RUNDC3B: variants seen among roughly 807,000 people sequenced by gnomAD.
The protein encoded by RUNDC3B is RUN domain-containing protein 3B.
Under a neutral mutation model 58.4 loss-of-function variants are expected in RUNDC3B, and 33 were observed. That is an observed-to-expected ratio of 0.56 (90% CI 0.43 to 0.75). The LOEUF (loss-of-function observed/expected upper bound fraction) is 0.75, where lower values mean the gene tolerates loss of function less well. RUNDC3B is among the 30% of genes least tolerant of loss of function. The probability of loss-of-function intolerance (pLI) is 0.00; values close to 1 mark genes in which losing one functional copy is unlikely to be tolerated. For missense variants in RUNDC3B, 501 were observed against 535.7 expected (o/e 0.94, Z 0.64); for synonymous variants, 193 against 195.2 (o/e 0.99, Z 0.10).
intron 2 of RUNDC3B, among the ~76,000 whole-genome samples, chr7:87,690,063 C>T (rs1292421843): frequency 2.0e-5 from 3 of 151,932 alleles, no homozygotes; most frequent in East Asian, 3.9e-4. Flanking sequence ...CCGCTGAGCT[C>T]AAATGATCCT....
chr7:87,781,205 A>G (rs932220407), intron 8 of RUNDC3B, among the ~76,000 whole-genome samples: 1 of 151,900 alleles, frequency 6.6e-6, no homozygotes. Flanking sequence ...TCTTTCACCA[A>G]ATTGTTTAGA....
intron 3 of RUNDC3B, among the ~76,000 whole-genome samples, chr7:87,706,715 T>G (rs893639785): frequency 2.0e-5 from 3 of 152,138 alleles, no homozygotes; most frequent in Non-Finnish European, 4.4e-5. Flanking sequence ...GTGGAGATTT[T>G]TATTTCCTTG....
At chr7:87,727,213 TC>T (rs1477581977) in intron 4 of RUNDC3B, among the ~76,000 whole-genome samples, 26 of 152,286 alleles carry the variant, frequency 1.7e-4, no homozygotes, top group African/African-American at 5.5e-4. Context: ...AGTATGATAT[TC>T]GCTGTGGGTT....
chr7:87,650,758 T>C (rs1237906676), intron 1 of RUNDC3B, 64 bp from the exon 2 acceptor site: 1 of 996,126 alleles, frequency 1.0e-6, no homozygotes, highest in African/African-American at 1.6e-5. Context: ...CTTCCTCCCA[T>C]TTTTTTCATA....
At chr7:87,631,687 G>A (rs1463498545) in intron 1 of RUNDC3B, among the ~76,000 whole-genome samples, 2 of 152,140 alleles carry the variant, frequency 1.3e-5, no homozygotes, top group Admixed American at 6.5e-5. Context: ...GCCACCTTGC[G>A]CCCGGCCTCT....
At chr7:87,746,941 G>C (rs573965624) in intron 6 of RUNDC3B, among the ~76,000 whole-genome samples, 1 of 152,126 alleles carries the variant, frequency 6.6e-6, no homozygotes, top group Admixed American at 6.5e-5. Context: ...CATGATTAGC[G>C]TAATGACTAA....
At chr7:87,637,199 C>G (rs149086322) in intron 1 of RUNDC3B, among the ~76,000 whole-genome samples, 8 of 152,162 alleles carry the variant, frequency 5.3e-5, no homozygotes, top group Non-Finnish European at 1.2e-4. Context: ...CATACTTTCT[C>G]CACTACACTC....
At chr7:87,730,524 C>T (rs1375040783) in intron 4 of RUNDC3B, among the ~76,000 whole-genome samples, 2 of 151,274 alleles carry the variant, frequency 1.3e-5, no homozygotes, top group East Asian at 2.0e-4. Context: ...TTACAGTGTG[C>T]GTGCCAGCTC....
intron 1 of RUNDC3B, among the ~76,000 whole-genome samples, chr7:87,649,171 C>T (rs562365222): frequency 1.3e-5 from 2 of 152,240 alleles, no homozygotes; most frequent in South Asian, 4.1e-4. Context: ...TTTGAGGTGA[C>T]AGGACTGTTT....
chr7:87,770,279 T>C (rs930730351), intron 6 of RUNDC3B, among the ~76,000 whole-genome samples: 3 of 152,134 alleles, frequency 2.0e-5, no homozygotes, highest in African/African-American at 7.2e-5. Context: ...TCTGTTTCTC[T>C]TCTCTGGAAA....
At chr7:87,819,465 T>C (rs1837281968) in intron 10 of RUNDC3B, among the ~76,000 whole-genome samples, 1 of 152,044 alleles carries the variant, frequency 6.6e-6, no homozygotes, top group African/African-American at 2.4e-5. Context: ...ACTATCAACA[T>C]TAGACAGATC....
chr7:87,715,273 A>T (rs867631764), intron 4 of RUNDC3B, among the ~76,000 whole-genome samples: 53 of 130,948 alleles, frequency 4.0e-4, no homozygotes, highest in African/African-American at 1.5e-3. Context: ...TTAATTTATA[A>T]TAATTATATA....
intron 1 of RUNDC3B, among the ~76,000 whole-genome samples, chr7:87,635,896 G>A (rs544139245): frequency 2.1e-4 from 32 of 152,226 alleles, no homozygotes; most frequent in African/African-American, 7.7e-4. Flanking sequence ...ATGTTTGTGA[G>A]GTTCATCCAT....
intron 10 of RUNDC3B, 69 bp downstream of exon 10, chr7:87,816,331 T>C (rs2130950824): frequency 2.4e-6 from 3 of 1,229,196 alleles, no homozygotes; most frequent in Middle Eastern, 2.0e-4. Context: ...TTGCAGATGA[T>C]TGCCAGAGAA....
intron 4 of RUNDC3B, among the ~76,000 whole-genome samples, chr7:87,716,467 A>G (rs994413700): frequency 2.0e-5 from 3 of 152,204 alleles, no homozygotes; most frequent in African/African-American, 7.2e-5. Context: ...AAGCTCTTAA[A>G]TGTCTCCATT....
Position 87,734,874 on chromosome 7 carries a change from A to C in RUNDC3B, c.459-4917A>C, listed in dbSNP as rs117667854. On this transcript the variant is annotated intron_variant, in intron 4 of 10. Transcript: ENST00000394654. ...TCACCTTTAAGTTATACAACATTCC[A>C]TGGCTTTTCCTTAATCGCTCTGTCT... Among the ~76,000 whole-genome samples the C allele has an allele frequency of 2.9e-3, 434 of 152,274 alleles. 6 individuals are homozygous for C. The East Asian group carries it at 0.049, about 17-fold the overall frequency.
Position 87,816,127 on chromosome 7 carries a change from T to A in RUNDC3B, c.1104-14T>A. ...GAAAAGAAATTCAAGTAGTATTTCATCCTTGCTTTACAGGAAAAGTTATCA... is the reference window on the plus strand; with the variant it reads ...GAAAAGAAATTCAAGTAGTATTTCAACCTTGCTTTACAGGAAAAGTTATCA... On this transcript the variant is annotated splice_polypyrimidine_tract_variant and intron_variant, in intron 9 of 10. Transcript: ENST00000394654. 6.3e-7 allele frequency: 1 copy of A among 1,585,530 alleles called. No homozygotes were observed. The highest frequency in any genetic ancestry group is 1.1e-5 in the South Asian group (1 of 87,916).
chr7:87,823,565 C>A (rs1028281883), intron 10 of RUNDC3B, among the ~76,000 whole-genome samples: 4 of 151,930 alleles, frequency 2.6e-5, no homozygotes, highest in African/African-American at 9.7e-5. Context: ...TATCCCACAT[C>A]CCCTTCCCAC....
At chr7:87,808,560 C>A (rs1219006823) in intron 9 of RUNDC3B, among the ~76,000 whole-genome samples, 1 of 151,966 alleles carries the variant, frequency 6.6e-6, no homozygotes, top group Non-Finnish European at 1.5e-5. Flanking sequence ...TTTCTTGTTT[C>A]ATTGATTATT....
Sources: allele counts gnomAD v4.1 joint callset (sites outside exome capture counted in the v4.1 genomes callset), GRCh38; gene constraint gnomAD v4.1.1; transcripts MANE v1.5; gene names NCBI Gene and HGNC (gene_info 2026-07-23, HGNC 2026-07-21).